Variants in STAT6 observed in about 807,000 individuals in gnomAD.
STAT6 encodes the protein STAT, interleukin4-induced.
In STAT6, 45 loss-of-function variants were observed where a neutral mutation model predicts 106.3. The ratio of observed to expected loss-of-function variants is 0.42; its 90% CI spans 0.33 to 0.54. STAT6 has a LOEUF of 0.54. Ranked by LOEUF, STAT6 falls within the 20% of genes least tolerant of loss-of-function variation. The probability of loss-of-function intolerance (pLI) is 0.06; values close to 1 mark genes in which losing one functional copy is unlikely to be tolerated. For synonymous variants in STAT6, 413 were observed against 413.6 expected, an observed-to-expected ratio of 1.00 and a Z score of 0.02; for missense variants, 797 against 1,062.2, an observed-to-expected ratio of 0.75 and a Z score of 3.47.
chr12:57,098,185 G>C (rs1053460345), intron 19 of STAT6, among the ~76,000 whole-genome samples: 1 of 152,174 alleles, frequency 6.6e-6, no homozygotes, highest in Admixed American at 6.5e-5. Context: ...ACTATGCTCA[G>C]CTTTTTAAGT....
rs1258197294 is a variant in STAT6 at position 57,105,754 on chromosome 12, C to T, written c.681-155G>A. ...CAAGGCACCTGGGCTGAAGGGGGTT[C>T]TGTGATCTGTTGGCCTAGGGTCTGG... On this transcript the variant is annotated intron_variant, in intron 7 of 21. Transcript: ENST00000300134. 3 of 1,270,226 alleles carry T rather than the reference C, an allele frequency of 2.4e-6. No homozygotes were observed. In the African/African-American group the frequency reaches 4.5e-5, roughly 19 times the overall value. The allele number at this position is 1,270,226 out of a possible 1,614,324, so 78.7% of individuals were successfully genotyped here.
At position 57,100,000 on chromosome 12, in the gene STAT6, C is replaced by A; in HGVS notation, c.1603G>T (p.Asp535Tyr). Residue 535 changes from aspartate (D) to tyrosine (Y), a missense_variant, in exon 14 of 22, where the codon GAC (aspartate) becomes TAC (tyrosine). Physicochemically the swap from Asp to Tyr is radical, Grantham distance 160. Coordinates refer to ENST00000300134, the MANE Select transcript of STAT6 (RefSeq NM_003153.5). This position sits in a 1 kb window ranked among gnomAD's most constrained non-coding sequence, Gnocchi z 4.7. Reference protein sequence around the residue: ...TKRCLRSYWSDRLIIGFISKQ... With the variant: ...TKRCLRSYWSYRLIIGFISKQ... Reference sequence around the variant, plus strand: ...CTACCCAGGGTGGGGACTCACCGGTCAGACCAGTAGCTCCGGAGACAGCGT... The same window carrying A: ...CTACCCAGGGTGGGGACTCACCGGTAAGACCAGTAGCTCCGGAGACAGCGT... The A allele has an allele frequency of 6.2e-7, 1 of 1,613,738 alleles. No individual in the cohort carries two copies. Among genetic ancestry groups the A allele is most frequent in the South Asian group, 1.1e-5 (1 of 90,996 alleles).
chr12:57,097,307 G>A (rs571012584), intron 19 of STAT6, 174 bp from the exon 20 acceptor site: 59 of 459,206 alleles, frequency 1.3e-4, no homozygotes, highest in African/African-American at 9.7e-4. Context: ...TAAAATGTGC[G>A]TGTTATGGGG....
intron 2 of STAT6, 33 bp downstream of exon 2, chr12:57,108,130 T>C (rs1238187583): frequency 7.3e-7 from 1 of 1,378,952 alleles, no homozygotes; most frequent in South Asian, 1.2e-5. Flanking sequence ...TAGGGAAGAC[T>C]TGGGGGACCA....
rs747552610 is a variant in STAT6, at chr12:57,106,538, C to T, written c.521G>A (p.Gly174Glu). ...CAGCCCATTACTCACCTCACTTGGC[C>T]CAGTCCCATTAGCAGGAGTTTCTAT... ...SLIETPANGT[G>E]PSEALAMLLQ... Residue 174 changes from glycine to glutamate, a missense_variant, in exon 6 of 22, where the codon GGG (glycine) becomes GAG (glutamate). By Grantham distance (98) the Gly-to-Glu change is moderately conservative. Coordinates refer to ENST00000300134, the MANE Select transcript of STAT6 (RefSeq NM_003153.5). 1.2e-6 allele frequency: 2 copies of T among 1,614,152 alleles called. No individual in the cohort carries two copies. The highest frequency in any genetic ancestry group is 2.2e-5 in the East Asian group (1 of 44,880).
At chr12:57,109,133 C>T (rs1020469222) in intron 1 of STAT6, among the ~76,000 whole-genome samples, 4 of 151,984 alleles carry the variant, frequency 2.6e-5, no homozygotes, top group Admixed American at 2.6e-4. Flanking sequence ...ACCTGGGGGG[C>T]GGAGCTTGCA....
chr12:57,096,382 AAAGG>A lies in STAT6; in HGVS notation c.*186_*189del. 1.6e-6 allele frequency: 1 copy of A among 612,154 alleles called. No individual in the cohort carries two copies. Among genetic ancestry groups the A allele is most frequent in the Non-Finnish European group, 2.9e-6 (1 of 349,244 alleles). 37.9% of individuals were successfully genotyped at this position (612,154 alleles called of 1,614,324 possible). A position where few individuals can be genotyped will look rare whatever the true frequency, so the allele number is the denominator to read the frequency against. On this transcript the variant is annotated 3_prime_UTR_variant, in exon 22 of 22. Transcript: ENST00000300134. ...AAGGAGGTGGGCAGGGGAATGATAG[AAAGG>A]AAGGAGTGGATTGGCTCCACCCACT...
intron 11 of STAT6, chr12:57,104,151 A>C: frequency 5.9e-6 from 2 of 339,692 alleles, no homozygotes; most frequent in Non-Finnish European, 5.5e-6. Flanking sequence ...GGCTGATAAT[A>C]CTGCCTACCT....
At chr12:57,104,957 T>C in intron 9 of STAT6, 144 bp from the exon 10 acceptor site, 1 of 1,215,906 alleles carries the variant, frequency 8.2e-7, no homozygotes, top group Non-Finnish European at 1.2e-6. Context: ...AGTCCCCATC[T>C]TGGCCAAATC....
Position 57,105,504 on chromosome 12 carries a change from C to A in STAT6, c.776G>T (p.Gly259Val), listed in dbSNP as rs752227058. 9 of 1,613,984 alleles carry A rather than the reference C, an allele frequency of 5.6e-6. No homozygotes were observed. In the Admixed American group the frequency reaches 1.5e-4, roughly 27 times the overall value. ...GGTTCTCAGGACTTCATCCAGCCGG[C>A]CAGTCAGCGATGCCCGGGTCTTGGG... ...LEPKTRASLT[G>V]RLDEVLRTLV... The change falls in exon 8 of 22, where the codon GGC (glycine) becomes GTC (valine). Residue 259 changes from glycine to valine, a missense_variant. Gly to Val is a moderately radical substitution (Grantham distance 109, BLOSUM62 -3). Transcript: ENST00000300134.
At position 57,102,816 on chromosome 12, in the gene STAT6, G is replaced by C; in HGVS notation, c.1305+13C>G. On this transcript the variant is annotated intron_variant, in intron 12 of 21. Coordinates refer to ENST00000300134, the MANE Select transcript of STAT6 (RefSeq NM_003153.5). Reference sequence around the variant, plus strand: ...CCTGCCCCTGTTCCCTCCAACTCCAGGACTTTCCTCACCATCTCAGAGAAG... The same window carrying C: ...CCTGCCCCTGTTCCCTCCAACTCCACGACTTTCCTCACCATCTCAGAGAAG... 6.2e-7 allele frequency: 1 copy of C among 1,610,072 alleles called. No individual in the cohort carries two copies. Among genetic ancestry groups the C allele is most frequent in the Non-Finnish European group, 8.5e-7 (1 of 1,176,630 alleles).
At position 57,098,693 on chromosome 12, in the gene STAT6, T is replaced by C. The variant is rs2033615648; in HGVS notation, c.2067-96A>G. 22 of 1,559,502 alleles carry C rather than the reference T, an allele frequency of 1.4e-5. No homozygotes were observed. The South Asian group carries it at 2.4e-4, about 17-fold the overall frequency. ...GGTGTCCCTCTCATGGAAAGGAAGA[T>C]TCCCTGTTCAGCCCCCAGTGCCAGC... On this transcript the variant is annotated intron_variant, in intron 18 of 21. Transcript: ENST00000300134.
chr12:57,102,419 A>G lies in STAT6; in HGVS notation c.1383T>C (p.Ala461=). Residue 461 remains alanine (A), a synonymous_variant, in exon 13 of 22, where the codon GCT becomes GCC. Coordinates refer to ENST00000300134, the MANE Select transcript of STAT6 (RefSeq NM_003153.5). The part of the protein sequence containing the change: ...MCETLNLKFM[A]EVGTNRGLLP... ...GCAGCCCCCGGTTGGTCCCCACCTC[A>G]GCCATGAACTTCAGGTTCAGAGTTT... The G allele has an allele frequency of 6.2e-7, 1 of 1,614,156 alleles. No homozygotes were observed. Among genetic ancestry groups the G allele is most frequent in the Non-Finnish European group, 8.5e-7 (1 of 1,180,014 alleles).
chr12:57,098,713 G>A, intron 18 of STAT6, 79 bp downstream of exon 18: 1 of 1,553,858 alleles, frequency 6.4e-7, no homozygotes, highest in Non-Finnish European at 8.8e-7. Flanking sequence ...AGCCCCCAGT[G>A]CCAGCTCTCC....
Position 57,096,435 on chromosome 12 carries a change from C to T in STAT6, c.*137G>A, listed in dbSNP as rs11834183. The T allele has an allele frequency of 1.1e-5, 9 of 785,322 alleles. No individual in the cohort carries two copies. The Middle Eastern group carries it at 1.1e-3, about 96-fold the overall frequency. The allele number at this position is 785,322 out of a possible 1,614,324, so 48.6% of individuals were successfully genotyped here. ...CTGTGCATTCTCCTGTTAGTCTTTT[C>T]CTCCTGACCCAGGAGTAGGTGGGGA... On this transcript the variant is annotated 3_prime_UTR_variant, in exon 22 of 22. Coordinates refer to ENST00000300134, the MANE Select transcript of STAT6 (RefSeq NM_003153.5).
At position 57,099,560 on chromosome 12, in the gene STAT6, C is replaced by T; in HGVS notation, c.1745-120G>A. 1 of 1,452,912 alleles carries T rather than the reference C, an allele frequency of 6.9e-7. No individual in the cohort carries two copies. The highest frequency in any genetic ancestry group is 9.4e-7 in the Non-Finnish European group (1 of 1,063,416). The allele number at this position is 1,452,912 out of a possible 1,614,324, so 90.0% of individuals were successfully genotyped here. ...AAGGGAGAGAGGACCTAGGGTGGGG[C>T]TCCTGAGGGAGAGAGACCCACTAGT... On this transcript the variant is annotated intron_variant, in intron 15 of 21. Coordinates refer to ENST00000300134, the MANE Select transcript of STAT6 (RefSeq NM_003153.5). This position sits in a 1 kb window ranked among gnomAD's most constrained non-coding sequence, Gnocchi z 4.7.
rs1010949199 is a variant in STAT6, at chr12:57,099,704, T to C, written c.1744+63A>G. On this transcript the variant is annotated intron_variant, in intron 15 of 21. Coordinates refer to ENST00000300134, the MANE Select transcript of STAT6 (RefSeq NM_003153.5). The surrounding 1 kb of genome is among the most constrained non-coding windows in gnomAD (Gnocchi z 4.7). The stretch of plus-strand genomic sequence containing the variant: ...GCATCAGGAAGGTCAGGACATTTCA[T>C]TCCCAGAAGAAACCCCAGAGGGCAC... 6 of 1,604,046 alleles carry C rather than the reference T, an allele frequency of 3.7e-6. No homozygotes were observed. In the African/African-American group the frequency reaches 8.0e-5, roughly 22 times the overall value.
At chr12:57,110,709 T>C (rs2034531890) in intron 1 of STAT6, among the ~76,000 whole-genome samples, 1 of 152,034 alleles carries the variant, frequency 6.6e-6, no homozygotes, top group Admixed American at 6.5e-5. Flanking sequence ...TGGGGCTTGC[T>C]CACGCCCCAG....
rs760639049 is a variant in STAT6, at chr12:57,098,558, C to A, written c.2106G>T (p.Pro702=). The A allele has an allele frequency of 3.1e-6, 5 of 1,614,060 alleles. No individual in the cohort carries two copies. The highest frequency in any genetic ancestry group is 1.7e-4 in the Middle Eastern group (1 of 6,060). Residue 702 remains proline, a synonymous_variant, in exon 19 of 22, where the codon CCG becomes CCT. Coordinates refer to ENST00000300134, the MANE Select transcript of STAT6 (RefSeq NM_003153.5). ...ATTCTTCTGGGGAGAGGCCTTGATA[C>A]GGGGGGATGGAGTGAGAGTGTGGTG... ...VYPPHSHSIP[P]YQGLSPEESV...
Sources: gnomAD v4.1 joint callset for allele counts (sites outside exome capture counted in the v4.1 genomes callset) on GRCh38, gnomAD v4.1.1 for gene constraint, Gnocchi (gnomAD v3.1) non-coding constraint, MANE v1.5 for transcripts, NCBI Gene and HGNC (gene_info 2026-07-23, HGNC 2026-07-21) for gene names.